ROBO2: variants seen among roughly 807,000 people sequenced by gnomAD.
ROBO2 encodes the protein roundabout homolog 2.
A neutral mutation model predicts 160.8 loss-of-function variants in ROBO2; 53 were observed. The observed-to-expected ratio is 0.33, with a 90% CI of 0.26 to 0.41. The LOEUF (loss-of-function observed/expected upper bound fraction) is 0.41, where lower values mean the gene tolerates loss of function less well. Among genes scored for constraint, ROBO2 ranks in the 10% least tolerant of loss-of-function variants. The pLI, the probability that ROBO2 is intolerant of heterozygous loss-of-function variation, is 1.00. For synonymous variants in ROBO2, 664 were observed against 611.7 expected (o/e 1.09, Z -1.26); for missense variants, 1,577 against 1,722.4 (o/e 0.92, Z 1.49).
chr3:77,582,260 C>G (rs2093938040), intron 16 of ROBO2, among the ~76,000 whole-genome samples: 1 of 152,178 alleles, frequency 6.6e-6, no homozygotes, highest in South Asian at 2.1e-4. Flanking sequence ...TGCCACCACA[C>G]CCGGCTAACT....
intron 2 of ROBO2, among the ~76,000 whole-genome samples, chr3:76,847,500 C>T (rs1429843873): frequency 5.9e-5 from 9 of 152,102 alleles, no homozygotes; most frequent in Non-Finnish European, 1.0e-4. Context: ...GAGAGTGATA[C>T]TTTTCTCTAT....
intron 6 of ROBO2, among the ~76,000 whole-genome samples, chr3:77,533,674 C>T (rs1279569462): frequency 6.6e-6 from 1 of 152,148 alleles, no homozygotes; most frequent in African/African-American, 2.4e-5. Flanking sequence ...ATGTGCTTTG[C>T]TTTGTAGCTC....
intron 2 of ROBO2, among the ~76,000 whole-genome samples, chr3:76,901,252 TTAAC>T (rs1455368640): frequency 6.6e-6 from 1 of 152,118 alleles, no homozygotes; most frequent in African/African-American, 2.4e-5. Context: ...TATTACATAT[TTAAC>T]TTTTAATTTT....
intron 2 of ROBO2, among the ~76,000 whole-genome samples, chr3:77,305,585 G>A (rs931207757): frequency 2.0e-5 from 3 of 152,160 alleles, no homozygotes; most frequent in South Asian, 2.1e-4. Context: ...CTGTGAATTC[G>A]CCCATGTTCA....
chr3:77,487,097 C>T (rs2085458124), intron 4 of ROBO2, among the ~76,000 whole-genome samples: 1 of 152,048 alleles, frequency 6.6e-6, no homozygotes, highest in Non-Finnish European at 1.5e-5. Flanking sequence ...TAGTTGATAC[C>T]ATGAGAGTAG....
intron 2 of ROBO2, among the ~76,000 whole-genome samples, chr3:76,391,734 C>G (rs535810824): frequency 4.9e-4 from 74 of 152,256 alleles, no homozygotes; most frequent in African/African-American, 1.8e-3. Context: ...TTGTCTCGAA[C>G]TCCTGACCTT....
At chr3:77,436,976 A>G (rs995897026) in intron 2 of ROBO2, among the ~76,000 whole-genome samples, 1 of 151,996 alleles carries the variant, frequency 6.6e-6, no homozygotes, top group East Asian at 1.9e-4. Context: ...CAATCTTTGG[A>G]CAATTGTATA....
intron 2 of ROBO2, among the ~76,000 whole-genome samples, chr3:76,026,807 G>A (rs1008093884): frequency 3.3e-5 from 5 of 151,866 alleles, no homozygotes; most frequent in African/African-American, 9.7e-5. Flanking sequence ...TTTCTAATGG[G>A]TTGTCAGAGA....
At chr3:76,707,731 G>GTGTGTATATATATATATATATA (rs376823667) in intron 2 of ROBO2, among the ~76,000 whole-genome samples, 1 of 134,214 alleles carries the variant, frequency 7.5e-6, no homozygotes, top group African/African-American at 2.7e-5. Flanking sequence ...ACATGTGTGT[G>GTGTGTATATATATATATATATA]TATATATATA....
intron 2 of ROBO2, among the ~76,000 whole-genome samples, chr3:76,368,771 C>T (rs898190662): frequency 9.9e-5 from 15 of 151,938 alleles, no homozygotes; most frequent in Admixed American, 2.0e-4. Context: ...ATGTTCCCCT[C>T]CCTTGAATCA....
intron 2 of ROBO2, among the ~76,000 whole-genome samples, chr3:76,874,547 G>A (rs1447360770): frequency 6.6e-6 from 1 of 152,164 alleles, no homozygotes; most frequent in Non-Finnish European, 1.5e-5. Flanking sequence ...AGGGGCCATG[G>A]TGCCTGCACT....
chr3:77,567,260 T>A (rs1032021582), intron 12 of ROBO2, among the ~76,000 whole-genome samples: 1 of 152,000 alleles, frequency 6.6e-6, no homozygotes, highest in East Asian at 1.9e-4. Context: ...AAAACAGGAT[T>A]ACGAAAATAA....
chr3:76,168,336 T>C (rs147239492), intron 2 of ROBO2, among the ~76,000 whole-genome samples: 90 of 152,294 alleles, frequency 5.9e-4, no homozygotes, highest in African/African-American at 2.1e-3. Context: ...GGTGACGATA[T>C]TGTTGAAAGA....
intron 2 of ROBO2, among the ~76,000 whole-genome samples, chr3:77,398,953 A>T (rs1039963786): frequency 6.6e-6 from 1 of 151,148 alleles, no homozygotes; most frequent in African/African-American, 2.4e-5. Flanking sequence ...AATAGAAGTT[A>T]TTTTTTTTTC....
intron 4 of ROBO2, among the ~76,000 whole-genome samples, chr3:77,486,847 C>T (rs901221570): frequency 6.6e-6 from 1 of 152,100 alleles, no homozygotes; most frequent in Non-Finnish European, 1.5e-5. Context: ...TCCCCCACCA[C>T]CATGGCTCCA....
chr3:76,193,659 C>T (rs1313975009), intron 2 of ROBO2, among the ~76,000 whole-genome samples: 1 of 152,064 alleles, frequency 6.6e-6, no homozygotes, highest in African/African-American at 2.4e-5. Flanking sequence ...TCGAAACTTA[C>T]TCTTAATGAA....
At chr3:76,987,337 A>G (rs952564045) in intron 2 of ROBO2, among the ~76,000 whole-genome samples, 6 of 152,238 alleles carry the variant, frequency 3.9e-5, no homozygotes, top group Non-Finnish European at 7.4e-5. Flanking sequence ...TTTCAGTTCC[A>G]CACTGCCGTG....
intron 2 of ROBO2, among the ~76,000 whole-genome samples, chr3:76,726,302 C>T (rs1201300231): frequency 2.0e-5 from 3 of 152,046 alleles, no homozygotes; most frequent in South Asian, 2.1e-4. Context: ...GTTCTCCATA[C>T]GCTTCATTTT....
intron 2 of ROBO2, among the ~76,000 whole-genome samples, chr3:76,975,198 C>T (rs2059755469): frequency 6.6e-6 from 1 of 152,114 alleles, no homozygotes; most frequent in African/African-American, 2.4e-5. Flanking sequence ...ACACAGAAGG[C>T]TTCAGACCAC....
Sources: allele counts gnomAD v4.1 joint callset (sites outside exome capture counted in the v4.1 genomes callset), GRCh38; gene constraint gnomAD v4.1.1; transcripts MANE v1.5; gene names NCBI Gene and HGNC (gene_info 2026-07-23, HGNC 2026-07-21).